RICTOR: variants seen among roughly 807,000 people sequenced by gnomAD.
RICTOR encodes rapamycin-insensitive companion of mTOR.
Under a neutral mutation model 214.9 loss-of-function variants are expected in RICTOR, and 49 were observed. That is an observed-to-expected ratio of 0.23 (90% CI 0.18 to 0.29). RICTOR has a LOEUF of 0.29. Ranked by LOEUF, RICTOR falls within the 10% of genes least tolerant of loss-of-function variation. The probability of loss-of-function intolerance (pLI) is 1.00; values close to 1 mark genes in which losing one functional copy is unlikely to be tolerated. For missense variants in RICTOR, 1,625 were observed against 2,047.0 expected (o/e 0.79, Z 3.98); for synonymous variants, 717 against 711.3 (o/e 1.01, Z -0.13).
intron 31 of RICTOR, 190 bp downstream of exon 31, chr5:38,949,522 T>C (rs1579878403): frequency 4.2e-6 from 5 of 1,197,414 alleles, no homozygotes; most frequent in South Asian, 2.9e-5. Flanking sequence ...AGGATTTTCT[T>C]CCCCCCTCGC....
At chr5:39,058,666 A>G (rs1758345297) in intron 2 of RICTOR, among the ~76,000 whole-genome samples, 2 of 152,278 alleles carry the variant, frequency 1.3e-5, no homozygotes, top group African/African-American at 2.4e-5. Flanking sequence ...TGCATGTTGT[A>G]AATCTAACAT....
At position 39,074,121 on chromosome 5, in the gene RICTOR, A is replaced by C; in HGVS notation, c.87T>G (p.Asp29Glu). ...GGCGCCCCGCGTTACCTCGGGTCAG[A>C]TCCAGCGGGACGTTCTCCTCGCCGC... The part of the protein sequence containing the change: ...NDSGEENVPL[D>E]LTREPSDNLR... Residue 29 changes from aspartate (D) to glutamate (E), a missense_variant, in exon 2 of 38, where the codon GAT (aspartate) becomes GAG (glutamate). This residue lies in a region of RICTOR where 71 missense variants were observed against 57.9 expected (regional missense o/e 1.23). Transcript: ENST00000357387. The C allele has an allele frequency of 6.3e-7, 1 of 1,581,780 alleles. No individual in the cohort carries two copies. Among genetic ancestry groups the C allele is most frequent in the Non-Finnish European group, 8.6e-7 (1 of 1,166,346 alleles).
At chr5:38,998,440 G>A (rs1355701321) in intron 5 of RICTOR, among the ~76,000 whole-genome samples, 1 of 152,092 alleles carries the variant, frequency 6.6e-6, no homozygotes, top group Non-Finnish European at 1.5e-5. Flanking sequence ...GCCCGCCTAG[G>A]CCTCCCAAAA....
At position 39,021,152 on chromosome 5, in the gene RICTOR, A is replaced by G; in HGVS notation, c.98-16T>C. 1 of 1,318,900 alleles carries G rather than the reference A, an allele frequency of 7.6e-7. No individual in the cohort carries two copies. The highest frequency in any genetic ancestry group is 1.1e-6 in the Non-Finnish European group (1 of 910,616). 81.7% of individuals were successfully genotyped at this position (1,318,900 alleles called of 1,614,324 possible). On this transcript the variant is annotated splice_polypyrimidine_tract_variant and intron_variant, in intron 2 of 37. Coordinates refer to ENST00000357387, the MANE Select transcript of RICTOR (RefSeq NM_152756.5). ...TCAGAAGGTTCTAGAAGGAAAGACA[A>G]GACAATTTAACACAATTTTATGAGT...
chr5:38,968,091 T>C, intron 11 of RICTOR, 61 bp from the exon 12 acceptor site: 8 of 914,332 alleles, frequency 8.7e-6, no homozygotes, highest in South Asian at 8.0e-5. Flanking sequence ...GATTTTTAAA[T>C]GTCCTATTCA....
intron 2 of RICTOR, among the ~76,000 whole-genome samples, chr5:39,063,236 G>A (rs950599044): frequency 5.9e-5 from 9 of 152,070 alleles, no homozygotes; most frequent in African/African-American, 9.7e-5. Context: ...ACAAGTACAC[G>A]CAAACAATTA....
intron 15 of RICTOR, among the ~76,000 whole-genome samples, chr5:38,966,435 A>G (rs1750225465): frequency 6.6e-6 from 1 of 152,234 alleles, no homozygotes; most frequent in Admixed American, 6.5e-5. Flanking sequence ...AAACCAATCA[A>G]AATATGCATG....
At chr5:38,960,707 C>A (rs1033163663) in intron 19 of RICTOR, among the ~76,000 whole-genome samples, 174 bp from the exon 20 acceptor site, 5 of 151,134 alleles carry the variant, frequency 3.3e-5, no homozygotes, top group Admixed American at 6.7e-5. Flanking sequence ...TCTGCCTGTG[C>A]CCCCACCCAA....
At chr5:39,003,278 T>C (rs767347294) in intron 4 of RICTOR, among the ~76,000 whole-genome samples, 16 of 152,160 alleles carry the variant, frequency 1.1e-4, no homozygotes, top group Non-Finnish European at 1.5e-4. Context: ...ATGAGAAATT[T>C]AGTCTGCAAA....
rs199827922 is a variant in RICTOR, at chr5:38,967,990, G to C, written c.1013C>G (p.Pro338Arg). 9 of 1,607,402 alleles carry C rather than the reference G, an allele frequency of 5.6e-6. No homozygotes were observed. The highest frequency in any genetic ancestry group is 1.7e-4 in the Middle Eastern group (1 of 5,916). Residue 338 changes from proline to arginine, a missense_variant, in exon 12 of 38, where the codon CCT becomes CGT. This residue lies in a region of RICTOR where 258 missense variants were observed against 393.7 expected (regional missense o/e 0.66). Coordinates refer to ENST00000357387, the MANE Select transcript of RICTOR (RefSeq NM_152756.5). The stretch of plus-strand genomic sequence containing the variant: ...GAACTCCTCAGTCACAACAGGTAGA[G>C]GAAGACGAAATATATCATAAAGCAC... ...LEVLYDIFRL[P>R]LPVVTEEFIE...
intron 2 of RICTOR, among the ~76,000 whole-genome samples, chr5:39,050,365 C>G (rs987605402): frequency 3.3e-5 from 5 of 151,662 alleles, no homozygotes; most frequent in African/African-American, 9.7e-5. Context: ...GAGACGGGGT[C>G]TCTCTCTGTC....
intron 2 of RICTOR, among the ~76,000 whole-genome samples, chr5:39,049,178 T>C (rs892238203): frequency 6.6e-6 from 1 of 151,662 alleles, no homozygotes; most frequent in Non-Finnish European, 1.5e-5. Context: ...CACTAACTCA[T>C]CCAACCAACC....
intron 7 of RICTOR, among the ~76,000 whole-genome samples, chr5:38,983,945 G>T (rs1219594915): frequency 2.0e-5 from 3 of 152,122 alleles, no homozygotes; most frequent in Admixed American, 1.3e-4. Flanking sequence ...CAGCCTGGTG[G>T]CAGAGTGAGA....
Position 38,939,074 on chromosome 5 carries a change from A to C in RICTOR, c.*3230T>G, listed in dbSNP as rs191483620. 687 of 233,170 alleles carry C rather than the reference A, an allele frequency of 2.9e-3. 2 individuals carry two copies. Among genetic ancestry groups the C allele is most frequent in the African/African-American group, 0.014 (635 of 45,460 alleles). The allele number at this position is 233,170 out of a possible 1,614,324, so 14.4% of individuals were successfully genotyped here. ...AGCACCTCACTCTTACCATGCAAAA[A>C]TAACTGCAGTTATAATTTGAATGAC... On this transcript the variant is annotated 3_prime_UTR_variant, in exon 38 of 38. Transcript: ENST00000357387.
intron 7 of RICTOR, among the ~76,000 whole-genome samples, chr5:38,983,481 T>C (rs879901393): frequency 6.6e-6 from 1 of 152,218 alleles, no homozygotes; most frequent in Non-Finnish European, 1.5e-5. Flanking sequence ...GCTAAAAGTT[T>C]TAAAATAATG....
intron 2 of RICTOR, among the ~76,000 whole-genome samples, chr5:39,028,425 G>A (rs1003591185): frequency 4.0e-5 from 6 of 151,772 alleles, no homozygotes; most frequent in East Asian, 1.9e-4. Flanking sequence ...CTCGTGATCC[G>A]CCCGCCTCGG....
chr5:38,961,698 G>A (rs1172476103), intron 19 of RICTOR, among the ~76,000 whole-genome samples: 1 of 151,968 alleles, frequency 6.6e-6, no homozygotes, highest in Non-Finnish European at 1.5e-5. Context: ...AACTTTTATA[G>A]ATATTAGGTT....
At chr5:39,042,647 A>G (rs78717785) in intron 2 of RICTOR, among the ~76,000 whole-genome samples, 6,844 of 152,298 alleles carry the variant, frequency 0.045, 284 homozygotes, top group African/African-American at 0.1. Context: ...ACTTAATTGT[A>G]TAATTATTTG....
intron 2 of RICTOR, among the ~76,000 whole-genome samples, chr5:39,049,741 C>T (rs1007430773): frequency 1.3e-5 from 2 of 151,356 alleles, no homozygotes; most frequent in Admixed American, 1.3e-4. Context: ...AATATCATAA[C>T]TGAAATAACT....
Sources: gnomAD v4.1 joint callset for allele counts (sites outside exome capture counted in the v4.1 genomes callset) on GRCh38, gnomAD v4.1.1 for gene constraint, gnomAD v4.1.1 regional missense constraint, MANE v1.5 for transcripts, NCBI Gene and HGNC (gene_info 2026-07-23, HGNC 2026-07-21) for gene names.